The following FGD1 variants were observed in gnomAD, a reference collection of about 807,000 sequenced individuals.
FGD1 encodes the protein FYVE, RhoGEF and PH domain containing 1.
In FGD1, 12 loss-of-function variants were observed where a neutral mutation model predicts 65.0. The observed-to-expected ratio is 0.18, with a 90% CI of 0.12 to 0.30. FGD1 has a LOEUF of 0.30. FGD1 is among the 10% of genes least tolerant of loss of function. The pLI is 1.00. For missense variants in FGD1, 542 were observed against 837.6 expected (o/e 0.65, Z 4.36); for synonymous variants, 333 against 343.9 (o/e 0.97, Z 0.35).
At chrX:54,464,127 C>CTT (rs1195226924) in intron 8 of FGD1, among the ~76,000 whole-genome samples, 3,798 of 49,987 alleles carry the variant, frequency 0.076, 277 homozygotes, top group East Asian at 0.32. Context: ...ACGCCCAGCT[C>CTT]TTTTTTTTTT....
chrX:54,446,509 T>C, intron 17 of FGD1, 95 bp from the exon 18 acceptor site: 1 of 850,648 alleles, frequency 1.2e-6, no homozygotes, highest in Non-Finnish European at 1.7e-6. Context: ...CTGTCTTCAG[T>C]CCCCTACTCA....
In FGD1 at chrX:54,486,670, C is replaced by T. The variant is rs775733881; in HGVS notation, c.307+8456G>A. 6.5e-5 allele frequency among the ~76,000 whole-genome samples: 7 copies of T among 108,515 alleles called. No individual in the cohort carries two copies. The South Asian group carries it at 2.1e-3, about 33-fold the overall frequency. 94.2% of individuals were successfully genotyped at this position (108,515 alleles called of 115,157 possible). On this transcript the variant is annotated intron_variant, in intron 1 of 17. Coordinates refer to ENST00000375135, the MANE Select transcript of FGD1 (RefSeq NM_004463.3). The stretch of plus-strand genomic sequence containing the variant: ...TGCTGGGATTACTGGCGTGTGCCAC[C>T]GTGCCCGGTCGATTTTATTTTTTAA...
chrX:54,494,869 G>A (rs1923492047), intron 1 of FGD1, among the ~76,000 whole-genome samples: 1 of 111,225 alleles, frequency 9.0e-6, no homozygotes, highest in Non-Finnish European at 1.9e-5. Flanking sequence ...TCTCCCATTA[G>A]CCTCAGCAGA....
intron 16 of FGD1, among the ~76,000 whole-genome samples, 165 bp from the exon 17 acceptor site, chrX:54,447,619 A>G (rs1159459989): frequency 8.9e-6 from 1 of 112,771 alleles, no homozygotes; most frequent in Non-Finnish European, 1.9e-5. Context: ...TGAATCAGCT[A>G]GAGCTGAGAT....
chrX:54,449,110 T>A (rs201232039), intron 15 of FGD1, 33 bp downstream of exon 15: 23 of 1,210,082 alleles, frequency 1.9e-5, no homozygotes, highest in Admixed American at 6.5e-5. Context: ...TTCTGTCCCC[T>A]CCCTAGCTCT....
At position 54,446,165 on chromosome X, in the gene FGD1, C is replaced by G. The variant is rs1922160736; in HGVS notation, c.2830G>C (p.Ala944Pro). The G allele has an allele frequency of 8.3e-7, 1 of 1,209,099 alleles. No individual in the cohort carries two copies. The highest frequency in any genetic ancestry group is 1.7e-5 in the African/African-American group (1 of 57,177). Residue 944 changes from alanine (A) to proline (P), a missense_variant, in exon 18 of 18, where the codon GCT (alanine) becomes CCT (proline). By Grantham distance (27) the Ala-to-Pro change is conservative (BLOSUM62 -1). Transcript: ENST00000375135. The part of the protein sequence containing the change: ...DREMEEAPVA[A>P]LGATAEPPES... ...GGGGGTTCAGCAGTGGCTCCTAAAG[C>G]AGCCACCGGTGCCTCCTCCATCTCC... is the stretch of plus-strand genomic sequence containing the variant.
intron 14 of FGD1, 89 bp from the exon 15 acceptor site, chrX:54,449,357 T>C: frequency 1.8e-6 from 2 of 1,113,481 alleles, no homozygotes; most frequent in Non-Finnish European, 2.4e-6. Flanking sequence ...GCTTGGATTA[T>C]CATGGGGTGG....
chrX:54,482,309 C>T (rs776513882), intron 1 of FGD1, among the ~76,000 whole-genome samples: 2 of 110,927 alleles, frequency 1.8e-5, no homozygotes, highest in African/African-American at 6.6e-5. Context: ...GCAGCCCATC[C>T]CTCTTCCAGT....
intron 5 of FGD1, 81 bp downstream of exon 5, chrX:54,468,706 T>C: frequency 1.1e-5 from 7 of 657,954 alleles, no homozygotes; most frequent in Non-Finnish European, 1.7e-5. Context: ...AATGGTGGGA[T>C]TGAACTCAGG....
intron 8 of FGD1, among the ~76,000 whole-genome samples, chrX:54,461,285 G>A (rs990746853): frequency 3.0e-4 from 33 of 110,476 alleles, no homozygotes; most frequent in African/African-American, 1.0e-3. Context: ...CTCATCATGG[G>A]ACTCTCCATC....
rs377077652 is a variant in FGD1, at chrX:54,494,754, G to T, written c.307+372C>A. On this transcript the variant is annotated intron_variant, in intron 1 of 17. Transcript: ENST00000375135. The stretch of plus-strand genomic sequence containing the variant: ...AATGTAGGCGCTTGGCAAATGTAAG[G>T]CTCCTTTTTTTCTTCTGTTCTCCAA... Among the ~76,000 whole-genome samples, 94 of 111,319 alleles carry T rather than the reference G, an allele frequency of 8.4e-4. 1 individual carries two copies. The South Asian group carries it at 0.035, about 42-fold the overall frequency.
In FGD1 at chrX:54,449,763, G is replaced by A; in HGVS notation, c.2047-3C>T. The A allele has an allele frequency of 8.6e-7, 1 of 1,166,624 alleles. No individual in the cohort carries two copies. Among genetic ancestry groups the A allele is most frequent in the Non-Finnish European group, 1.2e-6 (1 of 855,080 alleles). On this transcript the variant is annotated splice_region_variant and splice_polypyrimidine_tract_variant and intron_variant, in intron 13 of 17. Coordinates refer to ENST00000375135, the MANE Select transcript of FGD1 (RefSeq NM_004463.3). ...TTCAGGAGGGTGGAGTTGATGGCCT[G>A]GGGAGGAGGTGTAAGAAATGAGAAG...
Position 54,456,215 on chromosome X carries a change from C to T in FGD1, c.1842+5G>A. 8.3e-7 allele frequency: 1 copy of T among 1,210,870 alleles called. No homozygotes were observed. The highest frequency in any genetic ancestry group is 1.1e-6 in the Non-Finnish European group (1 of 895,208). The stretch of plus-strand genomic sequence containing the variant: ...CCCACCCACAATTCCATGCCTGGCA[C>T]TTACTAGTATGAGGTATCGGTCTTG... On this transcript the variant is annotated splice_donor_5th_base_variant and intron_variant, in intron 10 of 17. Transcript: ENST00000375135.
In FGD1 at chrX:54,455,679, C is replaced by A; in HGVS notation, c.1935+13G>T. The stretch of plus-strand genomic sequence containing the variant: ...CACTCCAAGTTCCCATTTCCCACCT[C>A]TTGGATGCTTACCTCCATGCCATCT... On this transcript the variant is annotated intron_variant, in intron 11 of 17. Coordinates refer to ENST00000375135, the MANE Select transcript of FGD1 (RefSeq NM_004463.3). The A allele has an allele frequency of 8.4e-7, 1 of 1,183,519 alleles. No individual in the cohort carries two copies. Among genetic ancestry groups the A allele is most frequent in the Non-Finnish European group, 1.1e-6 (1 of 877,073 alleles).
chrX:54,484,286 T>C (rs1257543926), intron 1 of FGD1, among the ~76,000 whole-genome samples: 1 of 108,250 alleles, frequency 9.2e-6, no homozygotes, highest in Non-Finnish European at 1.9e-5. Flanking sequence ...CCCACCCTCA[T>C]GTGTTCTTGC....
intron 17 of FGD1, among the ~76,000 whole-genome samples, chrX:54,446,998 A>G (rs1471700425): frequency 9.0e-6 from 1 of 111,283 alleles, no homozygotes; most frequent in East Asian, 2.8e-4. Flanking sequence ...TGCTGGGATT[A>G]CAGGCGTGAG....
chrX:54,495,307 C>A lies in FGD1; in HGVS notation c.126G>T (p.Leu42=). The A allele has an allele frequency of 8.5e-7, 1 of 1,177,800 alleles. No homozygotes were observed. Among genetic ancestry groups the A allele is most frequent in the Admixed American group, 2.4e-5 (1 of 41,402 alleles). The change falls in exon 1 of 18, where the codon CTG becomes CTT. Residue 42 remains leucine (L), a synonymous_variant. Coordinates refer to ENST00000375135, the MANE Select transcript of FGD1 (RefSeq NM_004463.3). ...CCGAACCTGAGCCCCTGCGCGCCAG[C>A]AGTCCGGGTTCCGAGGCTCCAGGGT... ...DSDPGASEPG[L]LARRGSGSAL...
At chrX:54,469,961 A>G in intron 4 of FGD1, 55 bp downstream of exon 4, 1 of 1,083,011 alleles carries the variant, frequency 9.2e-7, no homozygotes, top group Middle Eastern at 3.0e-4. Flanking sequence ...CAAGCACAAA[A>G]GGCGCTTCCA....
At chrX:54,483,372 G>A (rs1012296214) in intron 1 of FGD1, among the ~76,000 whole-genome samples, 4 of 112,502 alleles carry the variant, frequency 3.6e-5, no homozygotes, top group South Asian at 7.2e-4. Flanking sequence ...AGGCAAAGGC[G>A]AAGGCAAAGG....
Sources: gnomAD v4.1 joint callset for allele counts (sites outside exome capture counted in the v4.1 genomes callset) on GRCh38, gnomAD v4.1.1 for gene constraint, MANE v1.5 for transcripts, NCBI Gene and HGNC (gene_info 2026-07-23, HGNC 2026-07-21) for gene names.